LSM12: variants seen among roughly 807,000 people sequenced by gnomAD.
LSM12 encodes the protein protein LSM12.
For missense variants in LSM12, 108 were observed against 238.9 expected (o/e 0.45, Z 3.61); for synonymous variants, 74 against 87.3 (o/e 0.85, Z 0.85).
intron 2 of LSM12, among the ~76,000 whole-genome samples, chr17:44,047,606 A>G (rs1359702831): frequency 6.6e-6 from 1 of 151,962 alleles, no homozygotes; most frequent in African/African-American, 2.4e-5. Context: ...TCTGTTGCCC[A>G]GGCTGGAGTG....
At chr17:44,067,393 TC>T (rs1306189213), upstream of LSM12, 2 of 152,222 alleles carry the variant, frequency 1.3e-5, no homozygotes, top group Non-Finnish European at 2.9e-5. Flanking sequence ...GGAACCAGAA[TC>T]CGAGGTCAGC....
intron 2 of LSM12, among the ~76,000 whole-genome samples, chr17:44,052,051 T>C (rs775657517): frequency 1.3e-5 from 2 of 151,884 alleles, no homozygotes; most frequent in Non-Finnish European, 2.9e-5. Flanking sequence ...GAGGTAGCAA[T>C]GAGCCAAGAT....
intron 1 of LSM12, among the ~76,000 whole-genome samples, chr17:44,064,605 T>C (rs1464877840): frequency 6.6e-6 from 1 of 151,706 alleles, no homozygotes; most frequent in Non-Finnish European, 1.5e-5. Context: ...TGGTGGCACA[T>C]GCCTGTAATC....
At chr17:44,039,396 A>C (rs2049459556) in intron 3 of LSM12, among the ~76,000 whole-genome samples, 2 of 74,240 alleles carry the variant, frequency 2.7e-5, no homozygotes, top group East Asian at 3.7e-4. Context: ...TTTTTTTGAG[A>C]CGGAGTCTCG....
At chr17:44,037,582 A>G (rs1244024284) in intron 3 of LSM12, 44 bp from the exon 4 acceptor site, 1 of 1,555,276 alleles carries the variant, frequency 6.4e-7, no homozygotes, top group Admixed American at 2.0e-5. Context: ...TCTTGGGGGC[A>G]TCCCACATCT....
upstream of LSM12, among the ~76,000 whole-genome samples, chr17:44,067,068 G>A (rs2049889853): frequency 6.6e-6 from 1 of 152,240 alleles, no homozygotes; most frequent in South Asian, 2.1e-4. Flanking sequence ...GGGAGGCCGA[G>A]GCGGGTGGAT....
rs748177855 is a variant in LSM12, at chr17:44,040,218, C to T, written c.297G>A (p.Leu99=). 9.3e-6 allele frequency: 15 copies of T among 1,614,084 alleles called. No individual in the cohort carries two copies. In the Admixed American group the frequency reaches 2.3e-4, roughly 25 times the overall value. The change falls in exon 3 of 5, where the codon CTG becomes CTA. Residue 99 remains leucine (L), a synonymous_variant. Coordinates refer to ENST00000293406, the MANE Select transcript of LSM12 (RefSeq NM_001371445.1). ...SKARTEKEEK[L]SQAYAISAGV... is the part of the protein sequence containing the mutation. Reference sequence around the variant, plus strand: ...CAGCACTGATTGCATAGGCCTGGCTCAGCTTCTCCTCCTTCTCTGTCCGTG... The same window carrying T: ...CAGCACTGATTGCATAGGCCTGGCTTAGCTTCTCCTCCTTCTCTGTCCGTG...
chr17:44,055,127 G>T (rs900483438), intron 2 of LSM12, among the ~76,000 whole-genome samples: 14 of 152,042 alleles, frequency 9.2e-5, no homozygotes, highest in African/African-American at 2.7e-4. Context: ...TGGGATTACA[G>T]GTGTGAGCCA....
At chr17:44,062,865 T>C (rs925943897) in intron 2 of LSM12, among the ~76,000 whole-genome samples, 3 of 147,868 alleles carry the variant, frequency 2.0e-5, no homozygotes, top group Non-Finnish European at 4.5e-5. Flanking sequence ...TCTACTAAAA[T>C]AAAACAAATT....
intron 2 of LSM12, among the ~76,000 whole-genome samples, chr17:44,045,759 GACAGGGTTTCACCGT>G (rs1489114746): frequency 1.3e-5 from 2 of 151,328 alleles, no homozygotes; most frequent in Non-Finnish European, 2.9e-5. Flanking sequence ...TTTTTGTAGA[GACAGGGTTTCACCGT>G]ATTGCCCAGG....
intron 2 of LSM12, among the ~76,000 whole-genome samples, chr17:44,049,308 T>G (rs1215532551): frequency 6.6e-6 from 1 of 152,204 alleles, no homozygotes; most frequent in East Asian, 1.9e-4. Context: ...AGACAGGGTC[T>G]CACTCTTCTG....
Position 44,066,638 on chromosome 17 carries a change from G to T in LSM12, c.-51C>A. On this transcript the variant is annotated 5_prime_UTR_variant, in exon 1 of 5. Coordinates refer to ENST00000293406, the MANE Select transcript of LSM12 (RefSeq NM_001371445.1). The stretch of plus-strand genomic sequence containing the variant: ...GCGGCGGCGGCAGCAGCGGGCGAAA[G>T]CCGGGCCCCCAGTGAGCGCCGCGAC... 3.8e-6 allele frequency: 5 copies of T among 1,299,136 alleles called. No individual in the cohort carries two copies. Among genetic ancestry groups the T allele is most frequent in the Non-Finnish European group, 3.9e-6 (4 of 1,020,424 alleles). The allele number at this position is 1,299,136 out of a possible 1,614,324, so 80.5% of individuals were successfully genotyped here. A position where few individuals can be genotyped will look rare whatever the true frequency, so the allele number is the denominator to read the frequency against.
chr17:44,063,364 G>C (rs2049824968), intron 2 of LSM12, among the ~76,000 whole-genome samples: 1 of 151,708 alleles, frequency 6.6e-6, no homozygotes, highest in Admixed American at 6.6e-5. Flanking sequence ...TAAGACAGTG[G>C]CTTTCAAACT....
At chr17:44,064,646 T>C (rs2049845478) in intron 1 of LSM12, among the ~76,000 whole-genome samples, 1 of 149,556 alleles carries the variant, frequency 6.7e-6, no homozygotes. Flanking sequence ...GGCAGGAGAA[T>C]CACTTGAACA....
At chr17:44,045,322 G>T (rs1000037423) in intron 2 of LSM12, among the ~76,000 whole-genome samples, 1 of 152,044 alleles carries the variant, frequency 6.6e-6, no homozygotes, top group Non-Finnish European at 1.5e-5. Flanking sequence ...CACCATGCCT[G>T]GCCTTAAATC....
chr17:44,055,355 A>G (rs1267796174), intron 2 of LSM12, among the ~76,000 whole-genome samples: 1 of 151,744 alleles, frequency 6.6e-6, no homozygotes, highest in Non-Finnish European at 1.5e-5. Context: ...ATACCTCAAC[A>G]TATTAGGGTC....
chr17:44,041,961 C>A (rs1427228854), intron 2 of LSM12, among the ~76,000 whole-genome samples: 5 of 152,208 alleles, frequency 3.3e-5, no homozygotes, highest in African/African-American at 9.6e-5. Context: ...CGAGAACACA[C>A]AATTTGTCCC....
chr17:44,039,908 C>T (rs2049465919), intron 3 of LSM12, among the ~76,000 whole-genome samples: 1 of 152,152 alleles, frequency 6.6e-6, no homozygotes, highest in South Asian at 2.1e-4. Context: ...TAATCCAAAA[C>T]TAAGTTTTAC....
chr17:44,054,672 C>T (rs1017875998), intron 2 of LSM12, among the ~76,000 whole-genome samples: 1 of 152,020 alleles, frequency 6.6e-6, no homozygotes, highest in African/African-American at 2.4e-5. Flanking sequence ...CCACTCACTA[C>T]TTGACATGCC....
Sources: gnomAD v4.1 joint callset for allele counts (sites outside exome capture counted in the v4.1 genomes callset) on GRCh38, gnomAD v4.1.1 for gene constraint, MANE v1.5 for transcripts, NCBI Gene and HGNC (gene_info 2026-07-23, HGNC 2026-07-21) for gene names.